Variants in AADACL2 observed in about 807,000 individuals in gnomAD.
The protein encoded by AADACL2 is arylacetamide deacetylase-like 2.
AADACL2 carries 23 observed loss-of-function variants against 22.3 expected under a neutral mutation model. The ratio of observed to expected loss-of-function variants is 1.03; its 90% CI spans 0.74 to 1.46. The LOEUF (loss-of-function observed/expected upper bound fraction) is 1.46. Ranked by LOEUF, AADACL2 falls within the 40% of genes most tolerant of loss-of-function variation. The pLI is 0.00. For missense variants in AADACL2, 472 were observed against 482.9 expected (o/e 0.98, Z 0.21); for synonymous variants, 177 against 166.2 (o/e 1.07, Z -0.50).
At chr3:151,754,518 A>C (rs1713812593) in intron 4 of AADACL2, among the ~76,000 whole-genome samples, 1 of 152,144 alleles carries the variant, frequency 6.6e-6, no homozygotes, top group African/African-American at 2.4e-5. Flanking sequence ...TTTAGGATTA[A>C]TGATATTTAA....
chr3:151,751,945 G>A (rs1029261906), intron 4 of AADACL2, among the ~76,000 whole-genome samples: 1 of 152,160 alleles, frequency 6.6e-6, no homozygotes, highest in South Asian at 2.1e-4. Flanking sequence ...TCTGTTCAAA[G>A]GGAACATAGT....
In AADACL2 at chr3:151,761,194, T is replaced by C. The variant is rs1282541742; in HGVS notation, c.*3600T>C. 1 of 123,592 alleles carries C rather than the reference T, an allele frequency of 8.1e-6. No individual in the cohort carries two copies. 7.7% of individuals were successfully genotyped at this position (123,592 alleles called of 1,614,324 possible). A position where few individuals can be genotyped will look rare whatever the true frequency, so the allele number is the denominator to read the frequency against. On this transcript the variant is annotated 3_prime_UTR_variant, in exon 5 of 5. Coordinates refer to ENST00000356517, the MANE Select transcript of AADACL2 (RefSeq NM_207365.4). The stretch of plus-strand genomic sequence containing the variant: ...ATATTTATATATATGGTGAGATATA[T>C]ACATATTGTGATATATATATATATA...
In AADACL2 at chr3:151,740,762, A is replaced by G. The variant is rs775948767; in HGVS notation, c.255A>G (p.Thr85=). The part of the protein sequence containing the change: ...SDEYITVTDT[T]FVDIPVRLYL... ...AATACATCACAGTGACTGATACAAC[A>G]TTTGTTGACATTCCAGTACGATTGT... Residue 85 remains threonine (T), a synonymous_variant, in exon 2 of 5, where the codon ACA becomes ACG. Transcript: ENST00000356517. The G allele has an allele frequency of 3.7e-6, 6 of 1,614,056 alleles. No individual in the cohort carries two copies. Among genetic ancestry groups the G allele is most frequent in the African/African-American group, 2.7e-5 (2 of 75,052 alleles).
At chr3:151,745,742 T>G in intron 4 of AADACL2, 62 bp downstream of exon 4, 1 of 1,492,856 alleles carries the variant, frequency 6.7e-7, no homozygotes, top group African/African-American at 1.4e-5. Context: ...TTTCTATAGA[T>G]AATTCAGTTC....
intron 4 of AADACL2, among the ~76,000 whole-genome samples, chr3:151,753,874 G>T (rs1407842885): frequency 6.6e-6 from 1 of 152,068 alleles, no homozygotes; most frequent in Admixed American, 6.6e-5. Context: ...AGTAGATGAT[G>T]GGGGGCAAAG....
At chr3:151,756,778 C>T (rs1002397549) in intron 4 of AADACL2, among the ~76,000 whole-genome samples, 1 of 151,552 alleles carries the variant, frequency 6.6e-6, no homozygotes, top group Non-Finnish European at 1.5e-5. Flanking sequence ...TTTTTCCTCA[C>T]ACAAAAAATC....
At position 151,745,615 on chromosome 3, in the gene AADACL2, C is replaced by T. The variant is rs200688205; in HGVS notation, c.538C>T (p.Pro180Ser). 3.6e-5 allele frequency: 58 copies of T among 1,613,578 alleles called. 1 individual carries two copies. In the East Asian group the frequency reaches 1.2e-3, roughly 34 times the overall value. ...EKILTKYGVD[P>S]TRICIAGDSS... Reference sequence around the variant, plus strand: ...AATTCTTACAAAATATGGAGTGGATCCCACCCGAATCTGCATTGCGGGAGA... The same window carrying T: ...AATTCTTACAAAATATGGAGTGGATTCCACCCGAATCTGCATTGCGGGAGA... Residue 180 changes from proline to serine, a missense_variant, in exon 4 of 5, where the codon CCC becomes TCC. Around this residue, in one of 3 missense-constraint regions of AADACL2, gnomAD observed 356 missense variants for 365.5 expected, o/e 0.97. Transcript: ENST00000356517.
rs1714004381 is a variant in AADACL2, at chr3:151,757,950, A to T, written c.*356A>T. On this transcript the variant is annotated 3_prime_UTR_variant, in exon 5 of 5. Transcript: ENST00000356517. Reference sequence around the variant, plus strand: ...TTGTAGTGAGTGGGAAGAGGAAAAAACATGGAACAAACTTGCTGCTAAAAA... The same window carrying T: ...TTGTAGTGAGTGGGAAGAGGAAAAATCATGGAACAAACTTGCTGCTAAAAA... 5.9e-6 allele frequency: 1 copy of T among 168,400 alleles called. No individual in the cohort carries two copies. Among genetic ancestry groups the T allele is most frequent in the Non-Finnish European group, 1.3e-5 (1 of 78,450 alleles). 10.4% of individuals were successfully genotyped at this position (168,400 alleles called of 1,614,324 possible).
intron 4 of AADACL2, among the ~76,000 whole-genome samples, chr3:151,750,523 A>G (rs1432784938): frequency 6.6e-6 from 1 of 151,314 alleles, no homozygotes. Flanking sequence ...CCTGATGTCT[A>G]CTCCTTATGT....
intron 4 of AADACL2, among the ~76,000 whole-genome samples, chr3:151,746,326 A>C (rs1277555522): frequency 1.3e-5 from 2 of 150,434 alleles, no homozygotes; most frequent in East Asian, 3.9e-4. Flanking sequence ...CATATCCTCA[A>C]TAAACTCACT....
rs546147439 is a variant in AADACL2, at chr3:151,757,831, G to C, written c.*237G>C. 3.0e-6 allele frequency: 1 copy of C among 335,140 alleles called. No homozygotes were observed. Among genetic ancestry groups the C allele is most frequent in the East Asian group, 5.5e-5 (1 of 18,130 alleles). 20.8% of individuals were successfully genotyped at this position (335,140 alleles called of 1,614,324 possible). ...ACTTATAATTTATTATAATTATGTT[G>C]GTTCTAATAAGAACCAATGCTTATT... is the stretch of plus-strand genomic sequence containing the variant. On this transcript the variant is annotated 3_prime_UTR_variant, in exon 5 of 5. Coordinates refer to ENST00000356517, the MANE Select transcript of AADACL2 (RefSeq NM_207365.4).
chr3:151,757,143 T>C lies in AADACL2; in HGVS notation c.755T>C (p.Leu252Ser), dbSNP rs750591739. Residue 252 changes from leucine (L) to serine (S), a missense_variant, in exon 5 of 5, where the codon TTA becomes TCA. Physicochemically the swap from Leu to Ser is moderately radical, Grantham distance 145. This residue lies in a region of AADACL2 where 356 missense variants were observed against 365.5 expected (regional missense o/e 0.97). Transcript: ENST00000356517. ...GATGTAGCCATAAAACTCGTGAGCT[T>C]ATATTTCACCAAGGATGAAGCACTT... The part of the protein sequence containing the change: ...TRDVAIKLVS[L>S]YFTKDEALPW... 2 of 1,613,272 alleles carry C rather than the reference T, an allele frequency of 1.2e-6. No homozygotes were observed. The highest frequency in any genetic ancestry group is 2.2e-5 in the East Asian group (1 of 44,808).
At chr3:151,735,054 A>G (rs146513418) in intron 1 of AADACL2, among the ~76,000 whole-genome samples, 129 of 152,312 alleles carry the variant, frequency 8.5e-4, no homozygotes, top group African/African-American at 2.9e-3. Flanking sequence ...TGTACAGCAA[A>G]CAGTATATTT....
rs559189156 is a variant in AADACL2 at position 151,740,746 on chromosome 3, C to T, written c.239C>T (p.Thr80Ile). The change falls in exon 2 of 5, where the codon ACA becomes ATA. Residue 80 changes from threonine to isoleucine, a missense_variant. Thr to Ile is a moderately conservative substitution (Grantham distance 89, BLOSUM62 -1). Around this residue, in one of 3 missense-constraint regions of AADACL2, gnomAD observed 356 missense variants for 365.5 expected, o/e 0.97. Coordinates refer to ENST00000356517, the MANE Select transcript of AADACL2 (RefSeq NM_207365.4). ...YTQPLSDEYI[T>I]VTDTTFVDIP... The stretch of plus-strand genomic sequence containing the variant: ...CAACCACTTTCAGATGAATACATCA[C>T]AGTGACTGATACAACATTTGTTGAC... 55 of 1,613,934 alleles carry T rather than the reference C, an allele frequency of 3.4e-5. No homozygotes were observed. The South Asian group carries it at 5.5e-4, about 16-fold the overall frequency.
chr3:151,738,270 A>T (rs1713160824), intron 1 of AADACL2, among the ~76,000 whole-genome samples: 1 of 152,166 alleles, frequency 6.6e-6, no homozygotes. Flanking sequence ...GTTTGGCTGG[A>T]TACGAAATTC....
intron 1 of AADACL2, among the ~76,000 whole-genome samples, chr3:151,740,276 T>G (rs1713234606): frequency 6.6e-6 from 1 of 152,228 alleles, no homozygotes; most frequent in Non-Finnish European, 1.5e-5. Context: ...ACTTCCTGGG[T>G]GAAGCAATGC....
rs371888308 is a variant in AADACL2, at chr3:151,740,815, G to T, written c.308G>T (p.Arg103Leu). 3 of 1,613,952 alleles carry T rather than the reference G, an allele frequency of 1.9e-6. No homozygotes were observed. Among genetic ancestry groups the T allele is most frequent in the African/African-American group, 1.3e-5 (1 of 75,018 alleles). ...LYLPKRKSET[R>L]RRAVIYFHGG... ...TTGCCAAAAAGAAAGTCAGAAACCC[G>T]AAGGCGAGCTGTGATATATTTTCAT... is the stretch of plus-strand genomic sequence containing the variant. The change falls in exon 2 of 5, where the codon CGA becomes CTA. Residue 103 changes from arginine to leucine, a missense_variant. This residue lies in a region of AADACL2 where 356 missense variants were observed against 365.5 expected (regional missense o/e 0.97). Coordinates refer to ENST00000356517, the MANE Select transcript of AADACL2 (RefSeq NM_207365.4).
intron 2 of AADACL2, among the ~76,000 whole-genome samples, chr3:151,743,365 T>TTGCCAAGCAC (rs1233628951): frequency 3.3e-5 from 5 of 152,122 alleles, no homozygotes; most frequent in African/African-American, 9.7e-5. Flanking sequence ...GTTACAGAAT[T>TTGCCAAGCAC]TGCCAAGGTG....
chr3:151,744,817 G>A (rs978054159), intron 3 of AADACL2, among the ~76,000 whole-genome samples: 7 of 151,958 alleles, frequency 4.6e-5, no homozygotes, highest in Non-Finnish European at 8.8e-5. Flanking sequence ...TTAGCATTCT[G>A]AAGATCAAAA....
Sources: allele counts gnomAD v4.1 joint callset (sites outside exome capture counted in the v4.1 genomes callset), GRCh38; gene constraint gnomAD v4.1.1; regional missense constraint gnomAD v4.1.1; transcripts MANE v1.5; gene names NCBI Gene and HGNC (gene_info 2026-07-23, HGNC 2026-07-21).